Variants in ARHGEF28 observed in about 807,000 individuals in gnomAD.
ARHGEF28 encodes the protein 190 kDa guanine nucleotide exchange factor.
ARHGEF28 carries 152 observed loss-of-function variants against 206.6 expected under a neutral mutation model. That is an observed-to-expected ratio of 0.74 (90% CI 0.64 to 0.84). The LOEUF (loss-of-function observed/expected upper bound fraction) is 0.84. ARHGEF28 is among the 40% of genes least tolerant of loss of function. The pLI is 0.00. For missense variants in ARHGEF28, 2,028 were observed against 2,073.2 expected, an observed-to-expected ratio of 0.98 and a Z score of 0.42; for synonymous variants, 763 against 776.4, an observed-to-expected ratio of 0.98 and a Z score of 0.29.
chr5:73,884,993 G>T (rs1232571748), intron 24 of ARHGEF28, among the ~76,000 whole-genome samples: 1 of 151,756 alleles, frequency 6.6e-6, no homozygotes, highest in African/African-American at 2.4e-5. Context: ...TCTTCTGATG[G>T]TAAAAGAAAT....
chr5:73,900,068 A>T (rs1253440139), intron 30 of ARHGEF28: 3 of 152,240 alleles, frequency 2.0e-5, no homozygotes, highest in African/African-American at 7.2e-5. Flanking sequence ...TAAGTGAATA[A>T]GTGCTGATCA....
chr5:73,653,579 C>G (rs1281728013), intron 1 of ARHGEF28, among the ~76,000 whole-genome samples: 1 of 152,200 alleles, frequency 6.6e-6, no homozygotes, highest in Non-Finnish European at 1.5e-5. Context: ...CTCCTTGTGT[C>G]TTGCACATAG....
intron 3 of ARHGEF28, among the ~76,000 whole-genome samples, chr5:73,750,957 A>C (rs1751990479): frequency 6.6e-6 from 1 of 152,230 alleles, no homozygotes; most frequent in South Asian, 2.1e-4. Context: ...CAACACAGAC[A>C]CAGTGAGAAT....
intron 9 of ARHGEF28, among the ~76,000 whole-genome samples, chr5:73,811,671 A>G (rs977241316): frequency 1.3e-5 from 2 of 152,222 alleles, no homozygotes; most frequent in African/African-American, 4.8e-5. Context: ...GTTGAGAATA[A>G]TACGTACTTA....
At chr5:73,905,040 C>G (rs1437827613) in intron 33 of ARHGEF28, 1 of 152,360 alleles carries the variant, frequency 6.6e-6, no homozygotes, top group Non-Finnish European at 1.5e-5. Flanking sequence ...AGGCTGGGGT[C>G]CCCAAACCCC....
intron 1 of ARHGEF28, among the ~76,000 whole-genome samples, chr5:73,639,781 C>T (rs991648954): frequency 2.6e-5 from 4 of 152,072 alleles, no homozygotes; most frequent in South Asian, 2.1e-4. Flanking sequence ...TTGAAGAAGA[C>T]GTGTTGGGGG....
At chr5:73,846,641 C>T (rs1429946182) in intron 12 of ARHGEF28, among the ~76,000 whole-genome samples, 166 bp downstream of exon 12, 1 of 152,114 alleles carries the variant, frequency 6.6e-6, no homozygotes, top group Non-Finnish European at 1.5e-5. Context: ...ATCTTTCCCA[C>T]TCTGTTTTAA....
intron 1 of ARHGEF28, among the ~76,000 whole-genome samples, chr5:73,634,349 T>C (rs1743562001): frequency 6.6e-6 from 1 of 152,178 alleles, no homozygotes; most frequent in African/African-American, 2.4e-5. Flanking sequence ...ACTGTGTCTA[T>C]TATATCTCTT....
chr5:73,627,942 T>C (rs1743110426), intron 1 of ARHGEF28, among the ~76,000 whole-genome samples: 1 of 152,158 alleles, frequency 6.6e-6, no homozygotes, highest in Non-Finnish European at 1.5e-5. Flanking sequence ...GAACAGGTTG[T>C]ATAGCAGGCG....
intron 14 of ARHGEF28, among the ~76,000 whole-genome samples, chr5:73,855,882 A>G (rs769821651): frequency 3.3e-5 from 5 of 152,156 alleles, no homozygotes; most frequent in Non-Finnish European, 7.3e-5. Flanking sequence ...TTGGGTAACC[A>G]ATAATTAATT....
intron 22 of ARHGEF28, among the ~76,000 whole-genome samples, chr5:73,874,487 T>G (rs1244832214): frequency 3.3e-5 from 5 of 151,552 alleles, no homozygotes; most frequent in Non-Finnish European, 1.5e-5. Context: ...TGTATACATG[T>G]GCCAAGCTGG....
intron 10 of ARHGEF28, among the ~76,000 whole-genome samples, chr5:73,836,656 T>C (rs1757660513): frequency 1.3e-5 from 2 of 152,208 alleles, no homozygotes; most frequent in African/African-American, 4.8e-5. Flanking sequence ...CAGAGATTTT[T>C]TGGTTTGGTG....
At chr5:73,732,776 A>G (rs1750692859) in intron 2 of ARHGEF28, among the ~76,000 whole-genome samples, 1 of 147,650 alleles carries the variant, frequency 6.8e-6, no homozygotes, top group African/African-American at 2.6e-5. Flanking sequence ...TGTTTGATGA[A>G]TTAATGTATA....
chr5:73,720,051 G>C (rs1248796642), intron 2 of ARHGEF28, among the ~76,000 whole-genome samples: 1 of 152,218 alleles, frequency 6.6e-6, no homozygotes, highest in Non-Finnish European at 1.5e-5. Flanking sequence ...CCGCAGAGGC[G>C]AATAGTAAAA....
intron 2 of ARHGEF28, among the ~76,000 whole-genome samples, chr5:73,738,079 C>T (rs890060444): frequency 6.6e-6 from 1 of 152,110 alleles, no homozygotes; most frequent in Admixed American, 6.5e-5. Context: ...GGGATGCTGT[C>T]GGGGTGGGTG....
chr5:73,765,247 T>C (rs1302967412), intron 4 of ARHGEF28, among the ~76,000 whole-genome samples: 1 of 152,240 alleles, frequency 6.6e-6, no homozygotes, highest in Non-Finnish European at 1.5e-5. Flanking sequence ...TGATTTATGA[T>C]GGTTTGATTT....
At chr5:73,920,557 T>TG (rs1210161594) in intron 35 of ARHGEF28, among the ~76,000 whole-genome samples, 1 of 146,608 alleles carries the variant, frequency 6.8e-6, no homozygotes, top group African/African-American at 2.5e-5. Context: ...TTTTTTTTTT[T>TG]TTTTTTTTTT....
chr5:73,773,914 T>C lies in ARHGEF28; in HGVS notation c.535T>C (p.Ser179Pro). ...LAMRWGLAKL[S>P]QFFLCLPGGV... ...TATGAGATGGGGCCTGGCTAAACTT[T>C]CCCAGTTCTTCTTGTGTCTCCCGGG... Residue 179 changes from serine to proline, a missense_variant, in exon 5 of 36, where the codon TCC becomes CCC. Ser to Pro is a moderately conservative substitution (Grantham distance 74). Around this residue, in one of 3 missense-constraint regions of ARHGEF28, gnomAD observed 1,002 missense variants for 1,015.3 expected, o/e 0.99. Transcript: ENST00000513042. The C allele has an allele frequency of 1.9e-6, 3 of 1,609,114 alleles. No individual in the cohort carries two copies. The highest frequency in any genetic ancestry group is 2.5e-6 in the Non-Finnish European group (3 of 1,177,646).
At chr5:73,743,820 G>A (rs1027672607) in intron 2 of ARHGEF28, among the ~76,000 whole-genome samples, 4 of 152,104 alleles carry the variant, frequency 2.6e-5, no homozygotes, top group Non-Finnish European at 5.9e-5. Context: ...TCTATCTGTA[G>A]ATTTCAGGAT....
Sources: gnomAD v4.1 joint callset for allele counts (sites outside exome capture counted in the v4.1 genomes callset) on GRCh38, gnomAD v4.1.1 for gene constraint, gnomAD v4.1.1 regional missense constraint, MANE v1.5 for transcripts, NCBI Gene and HGNC (gene_info 2026-07-23, HGNC 2026-07-21) for gene names.